PATJ: variants seen among roughly 807,000 people sequenced by gnomAD.
PATJ encodes the protein PATJ crumbs cell polarity complex component, also known as inaD-like protein.
A neutral mutation model predicts 224.9 loss-of-function variants in PATJ; 190 were observed. The ratio of observed to expected loss-of-function variants is 0.84; its 90% CI spans 0.75 to 0.95. The LOEUF is 0.95. Ranked by LOEUF, PATJ falls within the 40% of genes least tolerant of loss-of-function variation. The pLI, the probability that PATJ is intolerant of heterozygous loss-of-function variation, is 0.00. For synonymous variants in PATJ, 769 were observed against 820.3 expected (o/e 0.94, Z 1.07); for missense variants, 2,121 against 2,270.3 (o/e 0.93, Z 1.34).
chr1:61,824,040 T>C (rs963767523), intron 15 of PATJ, among the ~76,000 whole-genome samples: 3 of 152,160 alleles, frequency 2.0e-5, no homozygotes, highest in African/African-American at 7.2e-5. Flanking sequence ...ATGCCCTACA[T>C]TTTATTAGAA....
At chr1:61,880,030 G>C (rs558058663) in intron 21 of PATJ, among the ~76,000 whole-genome samples, 353 of 152,034 alleles carry the variant, frequency 2.3e-3, no homozygotes, top group African/African-American at 8.2e-3. Flanking sequence ...TAGAGATGGG[G>C]TTTCATCATG....
chr1:61,927,411 T>C (rs575923728), intron 26 of PATJ, among the ~76,000 whole-genome samples: 39 of 152,314 alleles, frequency 2.6e-4, no homozygotes, highest in African/African-American at 9.1e-4. Context: ...AAAATTAAGC[T>C]TCTACAATGT....
At chr1:61,759,607 C>A (rs975246752) in intron 1 of PATJ, among the ~76,000 whole-genome samples, 1 of 152,138 alleles carries the variant, frequency 6.6e-6, no homozygotes, top group Admixed American at 6.6e-5. Context: ...AAGGTTTCAC[C>A]ATGTTGTTCA....
At chr1:61,744,974 A>G (rs1047840724) in intron 1 of PATJ, among the ~76,000 whole-genome samples, 4 of 152,228 alleles carry the variant, frequency 2.6e-5, no homozygotes, top group African/African-American at 9.6e-5. Flanking sequence ...CAGAGGATAC[A>G]AGAGGAAGAG....
At chr1:61,857,216 TAATG>T (rs1262887216) in intron 18 of PATJ, among the ~76,000 whole-genome samples, 1 of 151,676 alleles carries the variant, frequency 6.6e-6, no homozygotes, top group Non-Finnish European at 1.5e-5. Flanking sequence ...AACAAAAACT[TAATG>T]ATGATGATTT....
chr1:61,825,228 T>C (rs145594176), intron 15 of PATJ, among the ~76,000 whole-genome samples: 1 of 152,288 alleles, frequency 6.6e-6, no homozygotes, highest in African/African-American at 2.4e-5. Context: ...TTTAACAGGC[T>C]ATATGGGCTG....
intron 35 of PATJ, 138 bp from the exon 36 acceptor site, chr1:62,116,394 G>A: frequency 1.0e-6 from 1 of 970,952 alleles, no homozygotes; most frequent in Non-Finnish European, 1.5e-6. Flanking sequence ...AAATTACCAA[G>A]GTATGAAAGA....
intron 5 of PATJ, among the ~76,000 whole-genome samples, chr1:61,769,910 T>G (rs1423994449): frequency 3.3e-5 from 5 of 152,208 alleles, no homozygotes; most frequent in Non-Finnish European, 7.3e-5. Context: ...ATGCTTATTG[T>G]CAGTTAAGAG....
At chr1:62,003,319 AG>A (rs1247500959) in intron 28 of PATJ, among the ~76,000 whole-genome samples, 8 of 152,226 alleles carry the variant, frequency 5.3e-5, no homozygotes, top group Non-Finnish European at 1.2e-4. Flanking sequence ...AAAACATGTC[AG>A]GGTTTAGAAT....
chr1:61,803,595 A>G (rs1652981464), intron 12 of PATJ, among the ~76,000 whole-genome samples: 1 of 152,206 alleles, frequency 6.6e-6, no homozygotes, highest in African/African-American at 2.4e-5. Flanking sequence ...TGGCATATCA[A>G]CCTCATTCGC....
At chr1:62,123,412 A>G (rs1411052880) in intron 39 of PATJ, among the ~76,000 whole-genome samples, 1 of 149,904 alleles carries the variant, frequency 6.7e-6, no homozygotes, top group African/African-American at 2.4e-5. Context: ...TTGAGAGCAT[A>G]TAGTATGATT....
In PATJ at chr1:61,912,456, C is replaced by T. The variant is rs78860124; in HGVS notation, c.3493-2131C>T. On this transcript the variant is annotated intron_variant, in intron 25 of 43. Coordinates refer to ENST00000642238, the MANE Select transcript of PATJ (RefSeq NM_001350145.3). ...TAAAAATAGAAAAAGTAGCTGAGTG[C>T]GGTGGTTTACACTTGTAACCTCAGC... Among the ~76,000 whole-genome samples, 817 of 151,206 alleles carry T rather than the reference C, an allele frequency of 5.4e-3. 9 individuals are homozygous for T. The highest frequency in any genetic ancestry group is 0.019 in the African/African-American group (771 of 41,096).
chr1:61,923,904 A>G (rs1674711445), intron 26 of PATJ, among the ~76,000 whole-genome samples: 1 of 150,622 alleles, frequency 6.6e-6, no homozygotes, highest in Admixed American at 6.6e-5. Flanking sequence ...CCTGGACGAC[A>G]AGACTGAAAC....
chr1:61,763,042 C>T lies in PATJ; in HGVS notation c.52C>T (p.Arg18Cys), dbSNP rs781393031. 1.2e-5 allele frequency: 20 copies of T among 1,610,566 alleles called. No homozygotes were observed. The highest frequency in any genetic ancestry group is 6.7e-5 in the East Asian group (3 of 44,710). The change falls in exon 3 of 44, where the codon CGC (arginine) becomes TGC (cysteine). Residue 18 changes from arginine to cysteine, a missense_variant. Physicochemically the swap from Arg to Cys is radical, Grantham distance 180. Coordinates refer to ENST00000642238, the MANE Select transcript of PATJ (RefSeq NM_001350145.3). The part of the protein sequence containing the change: ...DKLQVLQVLD[R>C]LKMKLQEKGD... ...ACTGCAGGTGCTGCAGGTACTTGATCGCCTGAAAATGAAATTGCAGGAGAA... is the reference window on the plus strand; with the variant it reads ...ACTGCAGGTGCTGCAGGTACTTGATTGCCTGAAAATGAAATTGCAGGAGAA...
chr1:61,902,557 A>T (rs1671329173), intron 24 of PATJ, among the ~76,000 whole-genome samples: 1 of 152,180 alleles, frequency 6.6e-6, no homozygotes. Context: ...TATTGTGAGG[A>T]TTAAATTAAG....
At chr1:62,096,026 A>G (rs1285284373) in intron 33 of PATJ, among the ~76,000 whole-genome samples, 1 of 152,148 alleles carries the variant, frequency 6.6e-6, no homozygotes, top group Non-Finnish European at 1.5e-5. Context: ...ACTTAGGAAC[A>G]CTGGACAGAA....
intron 28 of PATJ, among the ~76,000 whole-genome samples, chr1:61,998,020 TATATAATATATTATATATTTATTA>T (rs1396938986): frequency 8.1e-6 from 1 of 122,726 alleles, no homozygotes; most frequent in Non-Finnish European, 1.7e-5. Context: ...ATATTAATTA[TATATAATATATTATATATTTATTA>T]TATATATTAT....
At chr1:61,772,213 A>G (rs544318518) in intron 6 of PATJ, among the ~76,000 whole-genome samples, 1 of 146,502 alleles carries the variant, frequency 6.8e-6, no homozygotes, top group South Asian at 2.2e-4. Context: ...TTAGTGATGG[A>G]GAGTCTTGTA....
In PATJ at chr1:61,822,851, G is replaced by C. The variant is rs1657559288; in HGVS notation, c.1684-94G>C. On this transcript the variant is annotated intron_variant, in intron 14 of 43. Coordinates refer to ENST00000642238, the MANE Select transcript of PATJ (RefSeq NM_001350145.3). ...GGATTTTGGTGATCTAATTCAAGAG[G>C]TGGGGTTTTTCACTTCAAAATAGCA... The C allele has an allele frequency of 2.8e-6, 4 of 1,408,942 alleles. No homozygotes were observed. In the Admixed American group the frequency reaches 8.2e-5, roughly 29 times the overall value. 87.3% of individuals were successfully genotyped at this position (1,408,942 alleles called of 1,614,324 possible).
Sources: gnomAD v4.1 joint callset for allele counts (sites outside exome capture counted in the v4.1 genomes callset) on GRCh38, gnomAD v4.1.1 for gene constraint, MANE v1.5 for transcripts, NCBI Gene and HGNC (gene_info 2026-07-23, HGNC 2026-07-21) for gene names.